The following ELAVL2 variants were observed in gnomAD, a reference collection of about 807,000 sequenced individuals.
ELAVL2 encodes the protein ELAV-like protein 2.
ELAVL2 carries 4 observed loss-of-function variants against 34.6 expected under a neutral mutation model. That is an observed-to-expected ratio of 0.12 (90% CI 0.06 to 0.26). The LOEUF (loss-of-function observed/expected upper bound fraction) is 0.26. ELAVL2 is among the 10% of genes least tolerant of loss of function. ELAVL2 has a pLI of 1.00. For synonymous variants in ELAVL2, 193 were observed against 154.8 expected, an observed-to-expected ratio of 1.25 and a Z score of -1.83; for missense variants, 432 against 442.8, an observed-to-expected ratio of 0.98 and a Z score of 0.22.
At chr9:23,728,296 AC>A (rs2045740778) in intron 3 of ELAVL2, among the ~76,000 whole-genome samples, 1 of 152,164 alleles carries the variant, frequency 6.6e-6, no homozygotes. Context: ...AAGCTGAAGG[AC>A]AGAATTCCTT....
upstream of ELAVL2, chr9:23,826,249 G>A (rs1178245562): frequency 6.6e-6 from 1 of 152,344 alleles, no homozygotes; most frequent in East Asian, 1.9e-4. Flanking sequence ...TTAAAAGGGA[G>A]GTGGACTGGA....
At chr9:23,848,400 C>T in the ELAVL2 span, among the ~76,000 whole-genome samples, 3 of 152,122 alleles carry the variant, frequency 2.0e-5, no homozygotes, top group Admixed American at 1.3e-4. Flanking sequence ...CTTGTACCAA[C>T]AAATTAGTAG....
rs117015958 is a variant in ELAVL2 at position 23,785,077 on chromosome 9, C to A, written c.-15-22828G>T. Among the ~76,000 whole-genome samples the A allele has an allele frequency of 1.1e-3, 163 of 152,266 alleles. 2 individuals carry two copies. The East Asian group carries it at 0.029, about 27-fold the overall frequency. The stretch of plus-strand genomic sequence containing the variant: ...ATAATGTGTCAGATGGTCTTAAATG[C>A]CTTTCCTTGGCAAAACAGAGTTGAC... On this transcript the variant is annotated intron_variant, in intron 1 of 6. Transcript: ENST00000397312.
At chr9:23,835,300 T>A in the ELAVL2 span, among the ~76,000 whole-genome samples, 1 of 152,226 alleles carries the variant, frequency 6.6e-6, no homozygotes, top group African/African-American at 2.4e-5. Context: ...ATGCATACAT[T>A]ATTCTTATTT....
At chr9:23,694,537 T>C (rs1317804843) in intron 5 of ELAVL2, among the ~76,000 whole-genome samples, 4 of 151,618 alleles carry the variant, frequency 2.6e-5, no homozygotes, top group African/African-American at 9.7e-5. Context: ...GTTGTCCCTC[T>C]GGGACTGGGG....
chr9:23,699,592 A>G (rs2036438442), intron 5 of ELAVL2, among the ~76,000 whole-genome samples: 1 of 152,152 alleles, frequency 6.6e-6, no homozygotes, highest in Non-Finnish European at 1.5e-5. Context: ...AATACCTGTA[A>G]AATTCCTTCA....
At chr9:23,781,753 C>T (rs1012226287) in intron 1 of ELAVL2, among the ~76,000 whole-genome samples, 21 of 151,916 alleles carry the variant, frequency 1.4e-4, no homozygotes, top group African/African-American at 5.1e-4. Context: ...AGTGCAGTGG[C>T]GGGATTCTCT....
chr9:23,849,148 T>A, the ELAVL2 span, among the ~76,000 whole-genome samples: 1 of 152,132 alleles, frequency 6.6e-6, no homozygotes, highest in South Asian at 2.1e-4. Context: ...AACCCGGAAG[T>A]CCATCCATGG....
intron 1 of ELAVL2, among the ~76,000 whole-genome samples, chr9:23,802,405 G>C (rs1010410713): frequency 1.3e-5 from 2 of 152,212 alleles, no homozygotes; most frequent in African/African-American, 4.8e-5. Flanking sequence ...GAATTTGCTA[G>C]TGATAGAATC....
chr9:23,839,279 T>G, the ELAVL2 span, among the ~76,000 whole-genome samples: 1 of 151,650 alleles, frequency 6.6e-6, no homozygotes, highest in African/African-American at 2.4e-5. Flanking sequence ...ATGACGACTG[T>G]TTTGAAAAAA....
At chr9:23,810,456 G>A (rs533408970) in intron 1 of ELAVL2, among the ~76,000 whole-genome samples, 5 of 152,136 alleles carry the variant, frequency 3.3e-5, no homozygotes, top group Non-Finnish European at 5.9e-5. Context: ...CACCACTGGG[G>A]AACCAAACAG....
chr9:23,719,883 T>C (rs959778705), intron 3 of ELAVL2, among the ~76,000 whole-genome samples: 1 of 150,064 alleles, frequency 6.7e-6, no homozygotes, highest in East Asian at 2.0e-4. Flanking sequence ...TGGAGTATAA[T>C]GGTGTGATCT....
chr9:23,747,323 G>A (rs182182341), intron 2 of ELAVL2, among the ~76,000 whole-genome samples: 16 of 152,176 alleles, frequency 1.1e-4, no homozygotes, highest in Admixed American at 3.9e-4. Flanking sequence ...AAAACTTATG[G>A]ATTGTTTATT....
At chr9:23,822,013 G>A (rs1437919891) in intron 1 of ELAVL2, among the ~76,000 whole-genome samples, 3 of 151,592 alleles carry the variant, frequency 2.0e-5, no homozygotes, top group South Asian at 2.1e-4. Flanking sequence ...CCGTCCCTCC[G>A]GACTTCCGAG....
At chr9:23,754,977 TAA>T (rs2053186509) in intron 2 of ELAVL2, among the ~76,000 whole-genome samples, 1 of 152,138 alleles carries the variant, frequency 6.6e-6, no homozygotes, top group Admixed American at 6.5e-5. Context: ...CCAACCTTGT[TAA>T]AAGTGCCCTT....
the ELAVL2 span, chr9:23,849,964 T>C: frequency 6.6e-6 from 1 of 152,132 alleles, no homozygotes; most frequent in African/African-American, 2.4e-5. Flanking sequence ...CAAAACTGCT[T>C]GTGCTGGGCG....
intron 1 of ELAVL2, among the ~76,000 whole-genome samples, chr9:23,778,047 C>T (rs564595940): frequency 2.0e-5 from 3 of 152,206 alleles, no homozygotes; most frequent in African/African-American, 7.2e-5. Context: ...ACAAAACCCC[C>T]CAGAGTGGCT....
At chr9:23,837,794 C>G in the ELAVL2 span, among the ~76,000 whole-genome samples, 2 of 152,148 alleles carry the variant, frequency 1.3e-5, no homozygotes, top group African/African-American at 4.8e-5. Context: ...AGATAAAGCT[C>G]TACTTTTCAT....
intron 1 of ELAVL2, among the ~76,000 whole-genome samples, chr9:23,776,739 C>CAAAA (rs34583759): frequency 3.6e-4 from 28 of 77,362 alleles, no homozygotes; most frequent in Admixed American, 9.1e-4. Context: ...AGTTTGCTAT[C>CAAAA]AAAAAAAAAA....
Sources: allele counts gnomAD v4.1 joint callset (sites outside exome capture counted in the v4.1 genomes callset), GRCh38; gene constraint gnomAD v4.1.1; transcripts MANE v1.5; gene names NCBI Gene and HGNC (gene_info 2026-07-23, HGNC 2026-07-21).